FGD5: variants seen among roughly 807,000 people sequenced by gnomAD.
The protein encoded by FGD5 is FYVE, RhoGEF and PH domain containing 5.
A neutral mutation model predicts 133.4 loss-of-function variants in FGD5; 28 were observed. That is an observed-to-expected ratio of 0.21 (90% CI 0.16 to 0.29). The LOEUF (loss-of-function observed/expected upper bound fraction) is 0.29, where lower values mean the gene tolerates loss of function less well. Among genes scored for constraint, FGD5 ranks in the 10% least tolerant of loss-of-function variants. The pLI is 1.00. For synonymous variants in FGD5, 810 were observed against 776.5 expected (o/e 1.04, Z -0.72); for missense variants, 1,858 against 1,895.2 (o/e 0.98, Z 0.36).
chr3:14,853,778 C>T (rs1183035995), intron 1 of FGD5, among the ~76,000 whole-genome samples: 2 of 144,462 alleles, frequency 1.4e-5, no homozygotes, highest in Admixed American at 7.1e-5. Flanking sequence ...GGTTACACAG[C>T]GTTCATCTCC....
chr3:14,856,178 T>C (rs1351026104), intron 1 of FGD5, among the ~76,000 whole-genome samples: 11 of 152,156 alleles, frequency 7.2e-5, no homozygotes, highest in Admixed American at 7.2e-4. Context: ...ACATTAGTTG[T>C]CTGTATATAT....
At chr3:14,827,294 T>C (rs965243768) in intron 1 of FGD5, among the ~76,000 whole-genome samples, 3 of 146,836 alleles carry the variant, frequency 2.0e-5, no homozygotes, top group Non-Finnish European at 3.0e-5. Context: ...TTTTTTTTTT[T>C]TTTTTTTTTT....
At chr3:14,888,546 T>C (rs1432975908) in intron 4 of FGD5, among the ~76,000 whole-genome samples, 1 of 152,238 alleles carries the variant, frequency 6.6e-6, no homozygotes, top group Non-Finnish European at 1.5e-5. Flanking sequence ...AAACTAGATA[T>C]GGATATATTT....
At chr3:14,877,748 C>T (rs947729249) in intron 2 of FGD5, among the ~76,000 whole-genome samples, 1 of 152,186 alleles carries the variant, frequency 6.6e-6, no homozygotes, top group Non-Finnish European at 1.5e-5. Flanking sequence ...ATGAAAAGCA[C>T]AGCAGGATAA....
rs1352901442 is a variant in FGD5 at position 14,933,396 on chromosome 3, A to G, written c.*229A>G. On this transcript the variant is annotated 3_prime_UTR_variant, in exon 20 of 20. Coordinates refer to ENST00000285046, the MANE Select transcript of FGD5 (RefSeq NM_152536.4). ...CTCCTTTTCTGTGTTTTCCACCCCTACCCCCACCCGCCACCCAGTAATAAA... is the reference window on the plus strand; with the variant it reads ...CTCCTTTTCTGTGTTTTCCACCCCTGCCCCCACCCGCCACCCAGTAATAAA... The G allele has an allele frequency of 2.0e-5, 11 of 550,390 alleles. No homozygotes were observed. The highest frequency in any genetic ancestry group is 2.6e-5 in the Non-Finnish European group (8 of 307,246). The allele number at this position is 550,390 out of a possible 1,614,324, so 34.1% of individuals were successfully genotyped here.
intron 4 of FGD5, among the ~76,000 whole-genome samples, chr3:14,886,060 G>A (rs1374568947): frequency 6.6e-6 from 1 of 152,196 alleles, no homozygotes; most frequent in Non-Finnish European, 1.5e-5. Flanking sequence ...CCAGAAGCAG[G>A]CGATCCAGGT....
intron 16 of FGD5, among the ~76,000 whole-genome samples, chr3:14,923,707 T>C (rs1307017188): frequency 1.3e-5 from 2 of 152,114 alleles, no homozygotes; most frequent in South Asian, 2.1e-4. Flanking sequence ...AACTAAAGTC[T>C]TTCCCTGGCC....
chr3:14,882,304 C>T (rs1314042276), intron 4 of FGD5: 2 of 985,256 alleles, frequency 2.0e-6, no homozygotes, highest in Non-Finnish European at 1.2e-6. Context: ...GGGAAACTTG[C>T]ATCTATGTTT....
At chr3:14,837,634 A>G (rs1370811077) in intron 1 of FGD5, among the ~76,000 whole-genome samples, 1 of 152,054 alleles carries the variant, frequency 6.6e-6, no homozygotes, top group African/African-American at 2.4e-5. Flanking sequence ...AGAGGGGGAT[A>G]GGCTGCGAAG....
intron 1 of FGD5, among the ~76,000 whole-genome samples, chr3:14,823,148 T>G (rs2036535993): frequency 6.6e-6 from 1 of 152,108 alleles, no homozygotes; most frequent in South Asian, 2.1e-4. Context: ...GCAAGTTCAT[T>G]ACATTAATAA....
chr3:14,871,622 G>A (rs1352539401), intron 2 of FGD5, among the ~76,000 whole-genome samples: 1 of 152,198 alleles, frequency 6.6e-6, no homozygotes, highest in Non-Finnish European at 1.5e-5. Context: ...AGAGGGGACG[G>A]GAGAGAAGAG....
rs1396117776 is a variant in FGD5, at chr3:14,917,035, G to C, written c.3406-214G>C. Among the ~76,000 whole-genome samples the C allele has an allele frequency of 6.6e-6, 1 of 152,160 alleles. No individual in the cohort carries two copies. The highest frequency in any genetic ancestry group is 1.5e-5 in the Non-Finnish European group (1 of 68,032). ...TGAACATACTCACACGACTTCTTGA[G>C]GGCATATGCATTTATTCCTCTCAAG... On this transcript the variant is annotated intron_variant, in intron 11 of 19. Coordinates refer to ENST00000285046, the MANE Select transcript of FGD5 (RefSeq NM_152536.4). This position sits in a 1 kb window ranked among gnomAD's most constrained non-coding sequence, Gnocchi z 4.1.
intron 2 of FGD5, among the ~76,000 whole-genome samples, chr3:14,871,031 T>C (rs538101267): frequency 2.6e-5 from 4 of 152,346 alleles, no homozygotes; most frequent in East Asian, 1.9e-4. Context: ...CCCTTTGCCA[T>C]TGGAGTTTCC....
At chr3:14,870,563 G>C (rs2037586670) in intron 2 of FGD5, among the ~76,000 whole-genome samples, 1 of 152,122 alleles carries the variant, frequency 6.6e-6, no homozygotes, top group Non-Finnish European at 1.5e-5. Context: ...CTTCGTTTCT[G>C]ACTGTGCAAC....
chr3:14,856,659 T>A (rs1374060097), intron 1 of FGD5, among the ~76,000 whole-genome samples: 1 of 151,298 alleles, frequency 6.6e-6, no homozygotes, highest in African/African-American at 2.4e-5. Context: ...ATTTTTTTTT[T>A]GTAGCTCTTG....
rs1422973448 is a variant in FGD5 at position 14,876,999 on chromosome 3, C to T, written c.2659-3573C>T. ...GGGAGGAGGCCAGTAGCCCTGGGGA[C>T]AGCCTCAGGCAGGGGCAGGTGGCCT... On this transcript the variant is annotated intron_variant, in intron 2 of 19. Coordinates refer to ENST00000285046, the MANE Select transcript of FGD5 (RefSeq NM_152536.4). 2.6e-5 allele frequency among the ~76,000 whole-genome samples: 4 copies of T among 152,352 alleles called. No individual in the cohort carries two copies. In the East Asian group the frequency reaches 7.7e-4, roughly 29 times the overall value.
At chr3:14,841,043 A>G (rs2036911785) in intron 1 of FGD5, among the ~76,000 whole-genome samples, 3 of 152,204 alleles carry the variant, frequency 2.0e-5, no homozygotes, top group Admixed American at 1.3e-4. Context: ...CTGTCCTTTC[A>G]TGATGTATTT....
At chr3:14,897,062 TATACC>T (rs573728987) in intron 4 of FGD5, 111 of 172,882 alleles carry the variant, frequency 6.4e-4, no homozygotes, top group African/African-American at 2.5e-3. Flanking sequence ...GACAGCTTAA[TATACC>T]ATAGGGTGGA....
chr3:14,820,431 G>T lies in FGD5; in HGVS notation c.1360G>T (p.Gly454Cys). ...AGGGCAGGCTGCATCGGACGCCCTG[G>T]GTGGTTATGGCTCGAAAGAAGAATT... ...EGGQAASDAL[G>C]GYGSKEELNC... is the part of the protein sequence containing the mutation. The change falls in exon 1 of 20, where the codon GGT becomes TGT. Residue 454 changes from glycine to cysteine, a missense_variant. Gly to Cys is a radical substitution (Grantham distance 159). This residue lies in a region of FGD5 where 1,824 missense variants were observed against 1,848.9 expected (regional missense o/e 0.99). Transcript: ENST00000285046. 6.2e-7 allele frequency: 1 copy of T among 1,613,998 alleles called. No homozygotes were observed. Among genetic ancestry groups the T allele is most frequent in the Non-Finnish European group, 8.5e-7 (1 of 1,179,886 alleles).
Sources: gnomAD v4.1 joint callset for allele counts (sites outside exome capture counted in the v4.1 genomes callset) on GRCh38, gnomAD v4.1.1 for gene constraint, gnomAD v4.1.1 regional missense constraint, Gnocchi (gnomAD v3.1) non-coding constraint, MANE v1.5 for transcripts, NCBI Gene and HGNC (gene_info 2026-07-23, HGNC 2026-07-21) for gene names.